The following AAK1 variants were observed in gnomAD, a reference collection of about 807,000 sequenced individuals.
AAK1 encodes the protein AP2 associated kinase 1.
AAK1 carries 37 observed loss-of-function variants against 116.0 expected under a neutral mutation model. The ratio of observed to expected loss-of-function variants is 0.32; its 90% confidence interval spans 0.25 to 0.42. The LOEUF is 0.42. Among genes scored for constraint, AAK1 ranks in the 10% least tolerant of loss-of-function variants. The pLI, the probability that AAK1 is intolerant of heterozygous loss-of-function variation, is 1.00. For synonymous variants in AAK1, 458 were observed against 439.9 expected, an observed-to-expected ratio of 1.04 and a Z score of -0.51; for missense variants, 919 against 1,170.6, an observed-to-expected ratio of 0.79 and a Z score of 3.14.
intron 2 of AAK1, among the ~76,000 whole-genome samples, chr2:69,631,501 G>T (rs1278886996): frequency 6.6e-6 from 1 of 152,154 alleles, no homozygotes; most frequent in Non-Finnish European, 1.5e-5. Flanking sequence ...GCTTCAGTTG[G>T]CACTGCCATT....
rs140865363 is a variant in AAK1 at position 69,610,208 on chromosome 2, T to C, written c.163+32670A>G. Among the ~76,000 whole-genome samples the C allele has an allele frequency of 6.4e-3, 968 of 152,082 alleles. 21 individuals are homozygous for C. The highest frequency in any genetic ancestry group is 0.012 in the East Asian group (63 of 5,178). ...GATCCCAGAAATAAACCCTCACATA[T>C]ATGGTCAAATGATTTTTCAGCAAGC... On this transcript the variant is annotated intron_variant, in intron 2 of 21. Coordinates refer to ENST00000409085, the MANE Select transcript of AAK1 (RefSeq NM_014911.5).
At chr2:69,521,349 C>T (rs1350999094) in intron 10 of AAK1, among the ~76,000 whole-genome samples, 17 of 152,114 alleles carry the variant, frequency 1.1e-4, no homozygotes, top group Admixed American at 1.1e-3. Context: ...CTAGGATTTC[C>T]CAAAATACCC....
At position 69,572,020 on chromosome 2, in the gene AAK1, C is replaced by G. The variant is rs550536911; in HGVS notation, c.164-15042G>C. 2.4e-4 allele frequency among the ~76,000 whole-genome samples: 37 copies of G among 152,228 alleles called. No individual in the cohort carries two copies. In the East Asian group the frequency reaches 5.4e-3, roughly 22 times the overall value. ...CTTTCATATCAGATGAAATAAAAGC[C>G]CAGCCACAGACAAACCTGGCAAGGC... is the stretch of plus-strand genomic sequence containing the variant. On this transcript the variant is annotated intron_variant, in intron 2 of 21. Coordinates refer to ENST00000409085, the MANE Select transcript of AAK1 (RefSeq NM_014911.5).
intron 2 of AAK1, among the ~76,000 whole-genome samples, chr2:69,573,562 C>G (rs1302080821): frequency 1.3e-5 from 2 of 152,202 alleles, no homozygotes; most frequent in Non-Finnish European, 2.9e-5. Flanking sequence ...AGAAAGACCT[C>G]TGGTAGAATG....
intron 12 of AAK1, chr2:69,516,751 G>A (rs139209397): frequency 0.015 from 2,247 of 152,276 alleles, 25 homozygotes; most frequent in South Asian, 0.033. Context: ...ACTGCAATAT[G>A]CCAGGCATGG....
chr2:69,529,995 T>C lies in AAK1; in HGVS notation c.871+13A>G, dbSNP rs1282065446. 6.5e-7 allele frequency: 1 copy of C among 1,529,920 alleles called. No individual in the cohort carries two copies. The highest frequency in any genetic ancestry group is 1.4e-5 in the African/African-American group (1 of 71,376). The allele number at this position is 1,529,920 out of a possible 1,614,324, so 94.8% of individuals were successfully genotyped here. A position where few individuals can be genotyped will look rare whatever the true frequency, so the allele number is the denominator to read the frequency against. On this transcript the variant is annotated intron_variant, in intron 8 of 21. Transcript: ENST00000409085. The stretch of plus-strand genomic sequence containing the variant: ...GAAATAAAAATATGAAACTAGAAAC[T>C]TAAAATACTTACTAATTAGGCAGTG...
At chr2:69,484,463 A>T (rs1675210592) in intron 17 of AAK1, among the ~76,000 whole-genome samples, 1 of 152,226 alleles carries the variant, frequency 6.6e-6, no homozygotes, top group African/African-American at 2.4e-5. Flanking sequence ...AATGACAATA[A>T]GCTACATATC....
At chr2:69,505,144 CA>C (rs1676135825) in intron 16 of AAK1, among the ~76,000 whole-genome samples, 3 of 152,156 alleles carry the variant, frequency 2.0e-5, no homozygotes, top group African/African-American at 4.8e-5. Context: ...CCCACACACA[CA>C]CACACACACA....
chr2:69,615,035 G>T (rs1387349412), intron 2 of AAK1, among the ~76,000 whole-genome samples: 3 of 152,264 alleles, frequency 2.0e-5, no homozygotes, highest in African/African-American at 7.2e-5. Flanking sequence ...CCAGTTTGTG[G>T]TCATTTGTTA....
chr2:69,553,448 T>TG (rs1671263225), intron 3 of AAK1, among the ~76,000 whole-genome samples: 4 of 137,864 alleles, frequency 2.9e-5, no homozygotes, highest in African/African-American at 1.1e-4. Flanking sequence ...TTTTTTTTTT[T>TG]TTTTTTTTTT....
At chr2:69,570,489 A>C (rs1001991895) in intron 2 of AAK1, among the ~76,000 whole-genome samples, 1 of 151,962 alleles carries the variant, frequency 6.6e-6, no homozygotes, top group African/African-American at 2.4e-5. Context: ...GCAAAGAGGG[A>C]ACCACTCTTT....
At chr2:69,545,028 C>CA (rs61078046) in intron 3 of AAK1, among the ~76,000 whole-genome samples, 230 of 136,554 alleles carry the variant, frequency 1.7e-3, no homozygotes, top group East Asian at 5.2e-3. Flanking sequence ...GGAAATCTAC[C>CA]AAAAAAAAAA....
chr2:69,579,778 C>G (rs1027959546), intron 2 of AAK1, among the ~76,000 whole-genome samples: 1 of 152,084 alleles, frequency 6.6e-6, no homozygotes, highest in Non-Finnish European at 1.5e-5. Flanking sequence ...CCTATAAATG[C>G]GCCCTGGTTG....
intron 17 of AAK1, among the ~76,000 whole-genome samples, chr2:69,490,412 T>A (rs960137161): frequency 1.3e-5 from 2 of 152,156 alleles, no homozygotes; most frequent in Non-Finnish European, 2.9e-5. Context: ...GCAACCCAAG[T>A]GTCCATTAAC....
At chr2:69,569,885 C>T (rs550184790) in intron 2 of AAK1, among the ~76,000 whole-genome samples, 73 of 152,170 alleles carry the variant, frequency 4.8e-4, no homozygotes, top group Non-Finnish European at 4.1e-4. Context: ...CGGATGGACA[C>T]GTGGGTTATT....
intron 2 of AAK1, among the ~76,000 whole-genome samples, chr2:69,588,174 C>T (rs139417516): frequency 3.7e-4 from 57 of 152,286 alleles, no homozygotes; most frequent in African/African-American, 1.3e-3. Flanking sequence ...CATGAGCAAC[C>T]ATCCCCTGTT....
At chr2:69,632,625 G>A (rs186557383) in intron 2 of AAK1, among the ~76,000 whole-genome samples, 69 of 152,358 alleles carry the variant, frequency 4.5e-4, no homozygotes, top group Middle Eastern at 3.4e-3. Context: ...AGCGCCAGGC[G>A]CGATGGCTCA....
rs1352613070 is a variant in AAK1, at chr2:69,587,340, CACACACACATATATACACATATGCGTGT to C, written c.164-30390_164-30363del. On this transcript the variant is annotated intron_variant, in intron 2 of 21. Coordinates refer to ENST00000409085, the MANE Select transcript of AAK1 (RefSeq NM_014911.5). ...ACGCACATATATACACATATGCGTG[CACACACACATATATACACATATGCGTGT>C]ACACACACATATATACACACACGTG... Among the ~76,000 whole-genome samples, 96 of 147,546 alleles carry C rather than the reference CACACACACATATATACACATATGCGTGT, an allele frequency of 6.5e-4. 1 individual carries two copies. The Middle Eastern group carries it at 0.01, about 16-fold the overall frequency.
chr2:69,639,607 CCT>C (rs1675611997), intron 2 of AAK1, among the ~76,000 whole-genome samples: 1 of 152,142 alleles, frequency 6.6e-6, no homozygotes, highest in South Asian at 2.1e-4. Flanking sequence ...TTACCCAGCA[CCT>C]GCTCCTTGGG....
Sources: allele counts gnomAD v4.1 joint callset (sites outside exome capture counted in the v4.1 genomes callset), GRCh38; gene constraint gnomAD v4.1.1; transcripts MANE v1.5; gene names NCBI Gene and HGNC (gene_info 2026-07-23, HGNC 2026-07-21).